Variants in VDAC1 observed in about 807,000 individuals in gnomAD.
VDAC1 encodes the protein non-selective voltage-gated ion channel VDAC1.
Under a neutral mutation model 34.7 loss-of-function variants are expected in VDAC1, and 10 were observed. The ratio of observed to expected loss-of-function variants is 0.29; its 90% CI spans 0.18 to 0.49. The LOEUF is 0.49. VDAC1 is among the 20% of genes least tolerant of loss of function. VDAC1 has a pLI of 0.99. For missense variants in VDAC1, 230 were observed against 347.9 expected (o/e 0.66, Z 2.69); for synonymous variants, 130 against 136.0 (o/e 0.96, Z 0.30).
the VDAC1 span, among the ~76,000 whole-genome samples, chr5:134,078,325 G>T: frequency 2.0e-5 from 3 of 152,222 alleles, no homozygotes; most frequent in South Asian, 6.2e-4. Flanking sequence ...GCAGGACAGG[G>T]GGGAGGCGAG....
chr5:134,001,956 T>C (rs1457665392), intron 1 of VDAC1, among the ~76,000 whole-genome samples: 2 of 151,896 alleles, frequency 1.3e-5, no homozygotes, highest in African/African-American at 4.8e-5. Context: ...GGTCAACTTT[T>C]CTCAGTGGCT....
chr5:134,001,715 TAAAA>T (rs10717143), intron 1 of VDAC1, among the ~76,000 whole-genome samples: 91 of 110,432 alleles, frequency 8.2e-4, no homozygotes, highest in African/African-American at 2.5e-3. Context: ...AGACTCCATC[TAAAA>T]AAAAAAAAAA....
At chr5:134,023,988 A>T in the VDAC1 span, among the ~76,000 whole-genome samples, 3 of 151,596 alleles carry the variant, frequency 2.0e-5, no homozygotes, top group East Asian at 3.9e-4. Flanking sequence ...CAAAAAAAAA[A>T]AAAAAATTAG....
At chr5:133,976,601 G>A (rs189474113) in intron 6 of VDAC1, among the ~76,000 whole-genome samples, 2 of 151,452 alleles carry the variant, frequency 1.3e-5, no homozygotes, top group African/African-American at 4.9e-5. Context: ...GACTGCTTGA[G>A]CCCAGGATAT....
chr5:134,051,680 T>TC, the VDAC1 span, among the ~76,000 whole-genome samples: 1 of 151,368 alleles, frequency 6.6e-6, no homozygotes, highest in African/African-American at 2.4e-5. Flanking sequence ...TTTTTTTTTT[T>TC]TTGGCTTTGT....
At position 133,989,890 on chromosome 5, in the gene VDAC1, G is replaced by A. The variant is rs532872513; in HGVS notation, c.323+965C>T. On this transcript the variant is annotated intron_variant, in intron 5 of 8. Coordinates refer to ENST00000265333, the MANE Select transcript of VDAC1 (RefSeq NM_003374.3). ...TTGGTCAGGCTGGTCTCAAACTTCC[G>A]ACCTCAGGTGATTTGCCTGCCTCAG... 7.2e-5 allele frequency among the ~76,000 whole-genome samples: 11 copies of A among 152,320 alleles called. 1 individual carries two copies. In the South Asian group the frequency reaches 1.0e-3, roughly 14 times the overall value.
At chr5:134,046,859 C>T in the VDAC1 span, among the ~76,000 whole-genome samples, 1 of 152,204 alleles carries the variant, frequency 6.6e-6, no homozygotes, top group African/African-American at 2.4e-5. Flanking sequence ...TTAGTGCCTC[C>T]AGGCCTCGAT....
intron 7 of VDAC1, 104 bp downstream of exon 7, chr5:133,975,767 C>T (rs1161559763): frequency 1.3e-6 from 2 of 1,532,734 alleles, no homozygotes; most frequent in Non-Finnish European, 8.8e-7. Flanking sequence ...CAGCATCTCT[C>T]ACTTTGAGTA....
At chr5:134,086,171 G>A in the VDAC1 span, among the ~76,000 whole-genome samples, 3 of 152,180 alleles carry the variant, frequency 2.0e-5, no homozygotes, top group Non-Finnish European at 4.4e-5. Flanking sequence ...ACTCCAGCCT[G>A]GGCAACAGAG....
chr5:133,980,689 A>G (rs1752657019), intron 6 of VDAC1, 40 bp downstream of exon 6: 78 of 563,972 alleles, frequency 1.4e-4, no homozygotes, highest in Middle Eastern at 3.7e-4. Flanking sequence ...ACATGCTCCA[A>G]CCCCACCCCT....
At chr5:134,084,368 C>T in the VDAC1 span, among the ~76,000 whole-genome samples, 10 of 152,142 alleles carry the variant, frequency 6.6e-5, no homozygotes, top group South Asian at 1.5e-3. Flanking sequence ...TATGTTGGGC[C>T]GAGAGCTGAG....
chr5:134,086,241 T>C, the VDAC1 span, among the ~76,000 whole-genome samples: 1 of 152,190 alleles, frequency 6.6e-6, no homozygotes, highest in Non-Finnish European at 1.5e-5. Flanking sequence ...TGGGAGATGA[T>C]AGACATGAAA....
the VDAC1 span, among the ~76,000 whole-genome samples, chr5:134,067,984 G>GGT: frequency 6.6e-6 from 1 of 152,134 alleles, no homozygotes; most frequent in African/African-American, 2.4e-5. Context: ...CGGTCATGGT[G>GGT]GTGTGAGCCT....
the VDAC1 span, among the ~76,000 whole-genome samples, chr5:134,039,489 C>T: frequency 2.2e-4 from 31 of 142,076 alleles, no homozygotes; most frequent in Non-Finnish European, 3.9e-4. Flanking sequence ...CCACCACGCC[C>T]GGCTAATTTT....
the VDAC1 span, among the ~76,000 whole-genome samples, chr5:134,098,960 T>G: frequency 6.6e-6 from 1 of 152,226 alleles, no homozygotes; most frequent in African/African-American, 2.4e-5. Flanking sequence ...CAAGCCAGGC[T>G]GGACTCCAGG....
At chr5:134,020,835 C>T in the VDAC1 span, among the ~76,000 whole-genome samples, 2 of 151,972 alleles carry the variant, frequency 1.3e-5, no homozygotes, top group African/African-American at 4.8e-5. Flanking sequence ...CACCACCATG[C>T]CCAGCTATGG....
chr5:134,113,019 G>A, the VDAC1 span, among the ~76,000 whole-genome samples: 1 of 152,182 alleles, frequency 6.6e-6, no homozygotes, highest in Non-Finnish European at 1.5e-5. Flanking sequence ...CCCAGAGGAG[G>A]CTCACCCTAT....
intron 1 of VDAC1, among the ~76,000 whole-genome samples, chr5:134,002,694 G>A (rs1319249183): frequency 6.6e-6 from 1 of 152,228 alleles, no homozygotes; most frequent in Non-Finnish European, 1.5e-5. Flanking sequence ...ACCGGGCATG[G>A]TGGCTCACGC....
the VDAC1 span, among the ~76,000 whole-genome samples, chr5:134,023,579 G>A: frequency 5.3e-5 from 8 of 151,690 alleles, no homozygotes; most frequent in Non-Finnish European, 8.8e-5. Context: ...TGGAAGAAAC[G>A]TTCTTCGGAA....
Sources: gnomAD v4.1 joint callset for allele counts (sites outside exome capture counted in the v4.1 genomes callset) on GRCh38, gnomAD v4.1.1 for gene constraint, MANE v1.5 for transcripts, NCBI Gene and HGNC (gene_info 2026-07-23, HGNC 2026-07-21) for gene names.